The following PDE1A variants were observed in gnomAD, a reference collection of about 807,000 sequenced individuals.
PDE1A encodes the protein phosphodiesterase 1A, also known as dual specificity calcium/calmodulin-dependent 3',5'-cyclic nucleotide phosphodiesterase 1A.
A neutral mutation model predicts 61.7 loss-of-function variants in PDE1A; 35 were observed. The observed-to-expected ratio is 0.57, with a 90% confidence interval of 0.43 to 0.75. The LOEUF (loss-of-function observed/expected upper bound fraction) is 0.75. PDE1A is among the 30% of genes least tolerant of loss of function. The pLI, the probability that PDE1A is intolerant of heterozygous loss-of-function variation, is 0.00. For synonymous variants in PDE1A, 232 were observed against 213.2 expected (o/e 1.09, Z -0.77); for missense variants, 597 against 630.6 (o/e 0.95, Z 0.57).
intron 2 of PDE1A, among the ~76,000 whole-genome samples, chr2:182,242,708 G>T (rs780008015): frequency 2.0e-5 from 3 of 152,198 alleles, no homozygotes; most frequent in African/African-American, 7.2e-5. Context: ...CCCCCAAAGA[G>T]AAAGGAATTC....
intron 2 of PDE1A, 79 bp from the exon 3 acceptor site, chr2:182,240,371 G>A: frequency 1.1e-6 from 1 of 873,848 alleles, no homozygotes; most frequent in Non-Finnish European, 1.6e-6. Context: ...GGATTGCAAT[G>A]GGATTTAAAA....
At chr2:182,436,202 A>G (rs1684396629) in intron 2 of PDE1A, among the ~76,000 whole-genome samples, 1 of 152,084 alleles carries the variant, frequency 6.6e-6, no homozygotes, top group Non-Finnish European at 1.5e-5. Context: ...TTCTAGTTTC[A>G]GCTTTTCTCT....
the PDE1A span, among the ~76,000 whole-genome samples, chr2:182,670,234 T>G: frequency 6.6e-6 from 1 of 152,192 alleles, no homozygotes; most frequent in African/African-American, 2.4e-5. Context: ...TACACCTGTT[T>G]AGAGAAAAAA....
intron 13 of PDE1A, among the ~76,000 whole-genome samples, chr2:182,156,953 A>G (rs1691115573): frequency 6.6e-6 from 1 of 151,386 alleles, no homozygotes; most frequent in Non-Finnish European, 1.5e-5. Flanking sequence ...AAACCCTGTT[A>G]TCATTTTTGT....
rs537548942 is a variant in PDE1A at position 182,386,135 on chromosome 2, G to T, written c.53+40443C>A. ...GTGCCGGGATTGCGGACGGAGTCTC[G>T]TTCACTCAGTGCTCAATGTTGCCCA... On this transcript the variant is annotated intron_variant, in intron 1 of 13. Coordinates refer to ENST00000351439, the Ensembl canonical transcript of PDE1A. 2.6e-5 allele frequency among the ~76,000 whole-genome samples: 4 copies of T among 152,298 alleles called. No individual in the cohort carries two copies. The East Asian group carries it at 7.7e-4, about 29-fold the overall frequency.
At chr2:182,521,838 ATAAT>A (rs1235359085) in intron 2 of PDE1A, among the ~76,000 whole-genome samples, 1 of 152,176 alleles carries the variant, frequency 6.6e-6, no homozygotes, top group Non-Finnish European at 1.5e-5. Flanking sequence ...ACAATAAAGT[ATAAT>A]TATTTATTAT....
chr2:182,295,057 CT>C (rs11420821), intron 1 of PDE1A, among the ~76,000 whole-genome samples: 865 of 59,214 alleles, frequency 0.015, 3 homozygotes, highest in African/African-American at 0.049. Flanking sequence ...AAAAGGTAAT[CT>C]TTTTTTTTTT....
At chr2:182,601,472 G>A in the PDE1A span, among the ~76,000 whole-genome samples, 1 of 152,222 alleles carries the variant, frequency 6.6e-6, no homozygotes. Flanking sequence ...CATCAGCAAT[G>A]TGGTGAGCAA....
chr2:182,313,188 CAGATCACGTA>C (rs1696105319), intron 1 of PDE1A, among the ~76,000 whole-genome samples: 1 of 152,136 alleles, frequency 6.6e-6, no homozygotes, highest in South Asian at 2.1e-4. Context: ...CCGAGGCAGG[CAGATCACGTA>C]AGATCAGAAG....
intron 2 of PDE1A, among the ~76,000 whole-genome samples, chr2:182,262,993 A>C (rs1307219951): frequency 1.0e-5 from 1 of 98,998 alleles, no homozygotes; most frequent in African/African-American, 4.1e-5. Context: ...GTGTGTGTGT[A>C]TCTGCGTGCC....
At chr2:182,606,315 A>T in the PDE1A span, among the ~76,000 whole-genome samples, 1 of 152,206 alleles carries the variant, frequency 6.6e-6, no homozygotes, top group Non-Finnish European at 1.5e-5. Context: ...AGTAGCCAGG[A>T]TTACAGGCAC....
chr2:182,694,826 G>GC, the PDE1A span, among the ~76,000 whole-genome samples: 22 of 88,144 alleles, frequency 2.5e-4, no homozygotes, highest in Admixed American at 6.5e-4. Context: ...AAAAAAAGGT[G>GC]GGGGGGGGGC....
chr2:182,162,990 T>C (rs1161503992), downstream of PDE1A, among the ~76,000 whole-genome samples: 1 of 152,074 alleles, frequency 6.6e-6, no homozygotes, highest in East Asian at 1.9e-4. Flanking sequence ...CAATAGTAAA[T>C]AGAAAACAAG....
chr2:182,497,744 T>G (rs563891454), intron 2 of PDE1A, among the ~76,000 whole-genome samples: 3 of 151,878 alleles, frequency 2.0e-5, no homozygotes, highest in African/African-American at 7.3e-5. Flanking sequence ...ACCACCCAAT[T>G]AAAAGACAGA....
At chr2:182,493,912 T>TTAG (rs1688552199) in intron 2 of PDE1A, among the ~76,000 whole-genome samples, 1 of 152,178 alleles carries the variant, frequency 6.6e-6, no homozygotes, top group Non-Finnish European at 1.5e-5. Context: ...AGTGCTGGGA[T>TTAG]TACATGTGTG....
intron 3 of PDE1A, among the ~76,000 whole-genome samples, chr2:182,239,497 A>G (rs1690327440): frequency 6.6e-6 from 1 of 152,166 alleles, no homozygotes; most frequent in African/African-American, 2.4e-5. Context: ...AAGGGCTGAA[A>G]GAATGTAAAA....
chr2:182,591,516 C>A, the PDE1A span, among the ~76,000 whole-genome samples: 1 of 152,132 alleles, frequency 6.6e-6, no homozygotes, highest in African/African-American at 2.4e-5. Flanking sequence ...TGGGATACCA[C>A]CCTGATGGGT....
At chr2:182,524,823 C>T (rs547604516), upstream of PDE1A, among the ~76,000 whole-genome samples, 20 of 151,940 alleles carry the variant, frequency 1.3e-4, no homozygotes, top group African/African-American at 4.3e-4. Flanking sequence ...TTGTATGTCC[C>T]TCATTTCTCA....
At chr2:182,643,947 A>G in the PDE1A span, among the ~76,000 whole-genome samples, 1 of 152,030 alleles carries the variant, frequency 6.6e-6, no homozygotes, top group African/African-American at 2.4e-5. Context: ...TATACAACCA[A>G]AATTCTTTGT....
Sources: gnomAD v4.1 joint callset for allele counts (sites outside exome capture counted in the v4.1 genomes callset) on GRCh38, gnomAD v4.1.1 for gene constraint, MANE v1.5 for transcripts, NCBI Gene and HGNC (gene_info 2026-07-23, HGNC 2026-07-21) for gene names.